Variants in IL16 observed in about 807,000 individuals in gnomAD.
The protein encoded by IL16 is interleukin 16, also known as pro-interleukin-16.
A neutral mutation model predicts 110.1 loss-of-function variants in IL16; 67 were observed. The observed-to-expected ratio is 0.61, with a 90% confidence interval of 0.50 to 0.75. The LOEUF (loss-of-function observed/expected upper bound fraction) is 0.75, where lower values mean the gene tolerates loss of function less well. Among genes scored for constraint, IL16 ranks in the 30% least tolerant of loss-of-function variants. The probability of loss-of-function intolerance (pLI) is 0.00; values close to 1 mark genes in which losing one functional copy is unlikely to be tolerated. For synonymous variants in IL16, 689 were observed against 662.9 expected (o/e 1.04, Z -0.61); for missense variants, 1,545 against 1,655.0 (o/e 0.93, Z 1.15).
At chr15:81,261,783 C>T (rs915067169) in intron 3 of IL16, among the ~76,000 whole-genome samples, 18 of 152,226 alleles carry the variant, frequency 1.2e-4, no homozygotes, top group African/African-American at 4.3e-4. Flanking sequence ...AAAAAAAGTA[C>T]CTAGGCTGGC....
intron 12 of IL16, among the ~76,000 whole-genome samples, chr15:81,296,257 T>C (rs1596046232): frequency 6.6e-6 from 1 of 152,308 alleles, no homozygotes; most frequent in East Asian, 1.9e-4. Context: ...TCCAAACTCT[T>C]CAAGTATTGC....
chr15:81,200,108 A>G (rs79185753), intron 1 of IL16, among the ~76,000 whole-genome samples: 5,204 of 152,286 alleles, frequency 0.034, 260 homozygotes, highest in East Asian at 0.26. Flanking sequence ...AAAGAATAGC[A>G]TACATCAGAT....
chr15:81,298,146 C>G (rs1596048733), intron 13 of IL16, among the ~76,000 whole-genome samples: 1 of 152,266 alleles, frequency 6.6e-6, no homozygotes, highest in Non-Finnish European at 1.5e-5. Flanking sequence ...ACCTTACAGC[C>G]AAGCCATTCA....
At chr15:81,240,675 C>A (rs76457646) in intron 2 of IL16, among the ~76,000 whole-genome samples, 1,631 of 152,104 alleles carry the variant, frequency 0.011, 32 homozygotes, top group African/African-American at 0.038. Flanking sequence ...CTCATTCAAA[C>A]CTTTTTCTAT....
rs1896761437 is a variant in IL16 at position 81,225,595 on chromosome 15, A to C, written c.196A>C (p.Thr66Pro). ...CCACTCATCTGTGCAGCTGGCAGACACATCGGAGGCTGGGCCCAGCAGTGT... is the reference window on the plus strand; with the variant it reads ...CCACTCATCTGTGCAGCTGGCAGACCCATCGGAGGCTGGGCCCAGCAGTGT... The part of the protein sequence containing the change: ...IFHSSVQLAD[T>P]SEAGPSSVPD... The change falls in exon 2 of 19, where the codon ACA becomes CCA. Residue 66 changes from threonine (T) to proline (P), a missense_variant. Thr to Pro is a conservative substitution (Grantham distance 38, BLOSUM62 -1). Coordinates refer to ENST00000683961, the MANE Select transcript of IL16 (RefSeq NM_172217.5). 12 of 1,614,092 alleles carry C rather than the reference A, an allele frequency of 7.4e-6. No homozygotes were observed. The highest frequency in any genetic ancestry group is 1.6e-4 in the Middle Eastern group (1 of 6,062).
At chr15:81,236,821 G>T (rs956818651) in intron 2 of IL16, among the ~76,000 whole-genome samples, 1 of 152,142 alleles carries the variant, frequency 6.6e-6, no homozygotes. Context: ...GCCAGGCCTG[G>T]TGGTGGGTGC....
In IL16 at chr15:81,313,022, G is replaced by A; in HGVS notation, c.*4224G>A. On this transcript the variant is annotated 3_prime_UTR_variant, in exon 19 of 19. Transcript: ENST00000683961. ...CCAGGAGAGGCGTGTTTGGGTAACA[G>A]GCAGATGGAGTTTGGAACACATGAA... 8.7e-6 allele frequency: 3 copies of A among 342,990 alleles called. No individual in the cohort carries two copies. The highest frequency in any genetic ancestry group is 1.6e-5 in the Non-Finnish European group (3 of 191,422). The allele number at this position is 342,990 out of a possible 1,614,324, so 21.2% of individuals were successfully genotyped here. A position where few individuals can be genotyped will look rare whatever the true frequency, so the allele number is the denominator to read the frequency against.
chr15:81,184,565 T>C (rs1325051265), intron 1 of IL16, among the ~76,000 whole-genome samples: 1 of 152,170 alleles, frequency 6.6e-6, no homozygotes, highest in South Asian at 2.1e-4. Context: ...CGAGAGGGAC[T>C]CAGTTGTGAG....
chr15:81,244,747 A>G (rs1897475717), intron 2 of IL16, among the ~76,000 whole-genome samples: 2 of 152,164 alleles, frequency 1.3e-5, no homozygotes, highest in Admixed American at 6.5e-5. Context: ...TGAAGTGCTC[A>G]GCCATTATTT....
chr15:81,214,870 C>A (rs1249882111), intron 1 of IL16, among the ~76,000 whole-genome samples: 1 of 152,026 alleles, frequency 6.6e-6, no homozygotes, highest in Non-Finnish European at 1.5e-5. Context: ...TTCAAGGAAC[C>A]AGTCTTAGAG....
At chr15:81,240,477 G>C (rs1897305782) in intron 2 of IL16, among the ~76,000 whole-genome samples, 1 of 151,776 alleles carries the variant, frequency 6.6e-6, no homozygotes, top group Admixed American at 6.6e-5. Flanking sequence ...TCCATCAGCA[G>C]GTGTAAGTTT....
At chr15:81,251,758 G>A (rs1436450904) in intron 2 of IL16, among the ~76,000 whole-genome samples, 2 of 152,076 alleles carry the variant, frequency 1.3e-5, no homozygotes, top group African/African-American at 4.8e-5. Context: ...ACTGGAACTA[G>A]CATAATGGAA....
intron 1 of IL16, among the ~76,000 whole-genome samples, chr15:81,185,054 G>C (rs1385532945): frequency 6.6e-6 from 1 of 152,176 alleles, no homozygotes; most frequent in Non-Finnish European, 1.5e-5. Flanking sequence ...GGCTGGGCCT[G>C]TGGGAAGCAG....
At chr15:81,257,429 AAAC>A (rs1188222672) in intron 2 of IL16, among the ~76,000 whole-genome samples, 5 of 152,220 alleles carry the variant, frequency 3.3e-5, no homozygotes, top group Admixed American at 3.3e-4. Flanking sequence ...TGCATGTCAG[AAAC>A]AGGAAACCAT....
At chr15:81,239,199 A>C (rs1897269982) in intron 2 of IL16, among the ~76,000 whole-genome samples, 1 of 152,084 alleles carries the variant, frequency 6.6e-6, no homozygotes, top group African/African-American at 2.4e-5. Flanking sequence ...TATCTTGGAC[A>C]TTTTGATTAT....
intron 1 of IL16, among the ~76,000 whole-genome samples, chr15:81,212,046 AT>A (rs1421491303): frequency 6.6e-6 from 1 of 151,860 alleles, no homozygotes; most frequent in East Asian, 1.9e-4. Flanking sequence ...CTCCTCCTCA[AT>A]TTTTTGGAAT....
At chr15:81,280,349 C>T (rs181603888) in intron 8 of IL16, among the ~76,000 whole-genome samples, 2 of 152,198 alleles carry the variant, frequency 1.3e-5, no homozygotes, top group Non-Finnish European at 2.9e-5. Context: ...AGAATGAAGG[C>T]CAGCATGGCT....
chr15:81,200,429 G>T (rs1424364242), intron 1 of IL16, among the ~76,000 whole-genome samples: 2 of 152,078 alleles, frequency 1.3e-5, no homozygotes, highest in Admixed American at 6.5e-5. Context: ...GAGTTCAGCA[G>T]TGCAATCCCG....
At chr15:81,248,939 T>C (rs897792265) in intron 2 of IL16, among the ~76,000 whole-genome samples, 2 of 152,208 alleles carry the variant, frequency 1.3e-5, no homozygotes, top group Admixed American at 1.3e-4. Context: ...CAGGCTGGTC[T>C]TGAACTCCTG....
Sources: allele counts gnomAD v4.1 joint callset (sites outside exome capture counted in the v4.1 genomes callset), GRCh38; gene constraint gnomAD v4.1.1; transcripts MANE v1.5; gene names NCBI Gene and HGNC (gene_info 2026-07-23, HGNC 2026-07-21).